PALS1: variants seen among roughly 807,000 people sequenced by gnomAD.
PALS1 encodes the protein protein PALS1.
PALS1 carries 31 observed loss-of-function variants against 78.9 expected under a neutral mutation model. That is an observed-to-expected ratio of 0.39 (90% confidence interval 0.30 to 0.53). The LOEUF (loss-of-function observed/expected upper bound fraction) is 0.53. PALS1 is among the 20% of genes least tolerant of loss of function. The pLI is 0.67. For missense variants in PALS1, 704 were observed against 826.5 expected (o/e 0.85, Z 1.82); for synonymous variants, 276 against 270.9 (o/e 1.02, Z -0.18).
intron 1 of PALS1, among the ~76,000 whole-genome samples, chr14:67,265,735 T>C (rs921491497): frequency 6.6e-6 from 1 of 151,034 alleles, no homozygotes; most frequent in Non-Finnish European, 1.5e-5. Flanking sequence ...CACGCCCCTG[T>C]AATCCCAGCT....
chr14:67,271,100 A>G (rs1486700554), intron 2 of PALS1: 1 of 152,240 alleles, frequency 6.6e-6, no homozygotes, highest in African/African-American at 2.4e-5. Context: ...AGAAGTTCTG[A>G]ACAGAGGAGT....
chr14:67,303,710 T>A, intron 8 of PALS1, 111 bp downstream of exon 8: 1 of 712,432 alleles, frequency 1.4e-6, no homozygotes, highest in East Asian at 3.2e-5. Context: ...ATAAATTCAA[T>A]CATTTTTATT....
intron 14 of PALS1, among the ~76,000 whole-genome samples, chr14:67,327,686 G>A (rs1439781351): frequency 6.6e-6 from 1 of 151,572 alleles, no homozygotes; most frequent in Non-Finnish European, 1.5e-5. Flanking sequence ...TCCCCACCCT[G>A]TGTCCTGGTG....
At chr14:67,248,375 A>T (rs1353548907) in intron 1 of PALS1, among the ~76,000 whole-genome samples, 1 of 152,144 alleles carries the variant, frequency 6.6e-6, no homozygotes, top group Non-Finnish European at 1.5e-5. Flanking sequence ...AGGAAACCAA[A>T]TATAAGATTT....
At chr14:67,284,548 A>T (rs78967259) in intron 3 of PALS1, among the ~76,000 whole-genome samples, 15 of 46,334 alleles carry the variant, frequency 3.2e-4, no homozygotes, top group East Asian at 8.2e-4. Context: ...CTGCAGTGCT[A>T]AAAAAAAAAA....
intron 13 of PALS1, among the ~76,000 whole-genome samples, chr14:67,321,992 G>A (rs1244961452): frequency 6.6e-6 from 1 of 151,798 alleles, no homozygotes; most frequent in East Asian, 1.9e-4. Context: ...CACAGTGAAT[G>A]CTTGGTTGTA....
intron 3 of PALS1, among the ~76,000 whole-genome samples, chr14:67,292,115 A>G (rs2084781231): frequency 6.6e-6 from 1 of 152,234 alleles, no homozygotes; most frequent in Admixed American, 6.5e-5. Context: ...GAATCATTAA[A>G]TATTTAAAAA....
Position 67,335,394 on chromosome 14 carries a change from G to A in PALS1, c.*2438G>A, listed in dbSNP as rs1207151240. 6.6e-6 allele frequency: 1 copy of A among 152,204 alleles called. No homozygotes were observed. Among genetic ancestry groups the A allele is most frequent in the Non-Finnish European group, 1.5e-5 (1 of 68,040 alleles). The allele number at this position is 152,204 out of a possible 1,614,324, so 9.4% of individuals were successfully genotyped here. Reference sequence around the variant, plus strand: ...GACTGGAGACCCCAGTGTGGGGGAGGTCTTACCATTTAATATAGAAATGAT... The same window carrying A: ...GACTGGAGACCCCAGTGTGGGGGAGATCTTACCATTTAATATAGAAATGAT... On this transcript the variant is annotated 3_prime_UTR_variant, in exon 15 of 15. Transcript: ENST00000261681.
At chr14:67,329,377 G>A (rs1391354835) in intron 14 of PALS1, among the ~76,000 whole-genome samples, 1 of 152,174 alleles carries the variant, frequency 6.6e-6, no homozygotes, top group Non-Finnish European at 1.5e-5. Context: ...GAGATTTTGG[G>A]CTGAGACGAT....
Position 67,301,483 on chromosome 14 carries a change from A to G in PALS1, c.654+17A>G, listed in dbSNP as rs1179615161. ...CATATTCAGGTAGAAAATGGACAGAATACTATATATGTGGTTTTTCCAGCA... is the reference window on the plus strand; with the variant it reads ...CATATTCAGGTAGAAAATGGACAGAGTACTATATATGTGGTTTTTCCAGCA... On this transcript the variant is annotated intron_variant, in intron 5 of 14. Transcript: ENST00000261681. The G allele has an allele frequency of 1.3e-6, 2 of 1,570,932 alleles. No homozygotes were observed. Among genetic ancestry groups the G allele is most frequent in the Non-Finnish European group, 1.7e-6 (2 of 1,145,432 alleles).
intron 8 of PALS1, among the ~76,000 whole-genome samples, chr14:67,310,257 GT>G (rs2085069570): frequency 6.6e-6 from 1 of 151,400 alleles, no homozygotes; most frequent in Non-Finnish European, 1.5e-5. Flanking sequence ...AATAAAAACT[GT>G]TTTTTCACAT....
rs148122965 is a variant in PALS1 at position 67,279,338 on chromosome 14, G to A, written c.168G>A (p.Leu56=). The A allele has an allele frequency of 3.1e-6, 5 of 1,613,782 alleles. No individual in the cohort carries two copies. Among genetic ancestry groups the A allele is most frequent in the Non-Finnish European group, 4.2e-6 (5 of 1,179,980 alleles). ...RMMPIRRSAQ[L]ERIRQQQEDM... ...TGCCAATACGTCGAAGTGCACAGTT[G>A]GAGCGTATTCGGCAACAACAGGAGG... Residue 56 remains leucine (L), a synonymous_variant, in exon 3 of 15, where the codon TTG becomes TTA. Coordinates refer to ENST00000261681, the MANE Select transcript of PALS1 (RefSeq NM_022474.4).
intron 1 of PALS1, among the ~76,000 whole-genome samples, chr14:67,242,334 T>C (rs565582659): frequency 7.9e-5 from 12 of 152,240 alleles, no homozygotes; most frequent in Non-Finnish European, 1.0e-4. Context: ...GTGTGTGTTT[T>C]GTCTCCATAC....
rs181000697 is a variant in PALS1, at chr14:67,291,505, G to A, written c.368-1006G>A. 3.4e-3 allele frequency among the ~76,000 whole-genome samples: 518 copies of A among 152,132 alleles called. 2 individuals are homozygous for A. Among genetic ancestry groups the A allele is most frequent in the African/African-American group, 0.012 (493 of 41,488 alleles). ...TTACCATCTTGGCCAGGCTGGTCTC[G>A]AACTCCTGACCTCATGATCTACCTG... On this transcript the variant is annotated intron_variant, in intron 3 of 14. Coordinates refer to ENST00000261681, the MANE Select transcript of PALS1 (RefSeq NM_022474.4).
intron 4 of PALS1, among the ~76,000 whole-genome samples, chr14:67,293,157 C>G (rs1325149859): frequency 6.6e-6 from 1 of 152,066 alleles, no homozygotes; most frequent in African/African-American, 2.4e-5. Flanking sequence ...CCTATAAAAA[C>G]TGTAGACATT....
At chr14:67,288,103 A>AG in intron 3 of PALS1, among the ~76,000 whole-genome samples, 1 of 152,088 alleles carries the variant, frequency 6.6e-6, no homozygotes, top group East Asian at 1.9e-4. Flanking sequence ...CCTTCGAGAC[A>AG]GAGTCTCACT....
chr14:67,271,199 T>A (rs2084401754), intron 2 of PALS1: 1 of 152,222 alleles, frequency 6.6e-6, no homozygotes, highest in Non-Finnish European at 1.5e-5. Flanking sequence ...ATTAGATAAT[T>A]TACCTGTGTG....
At chr14:67,308,639 G>A (rs1317481610) in intron 8 of PALS1, among the ~76,000 whole-genome samples, 1 of 148,638 alleles carries the variant, frequency 6.7e-6, no homozygotes, top group African/African-American at 2.5e-5. Context: ...TCCGCCTCCT[G>A]GGTTCAAGTG....
At chr14:67,325,974 C>CTTTT (rs1233481192) in intron 14 of PALS1, among the ~76,000 whole-genome samples, 1 of 115,710 alleles carries the variant, frequency 8.6e-6, no homozygotes, top group African/African-American at 4.6e-5. Flanking sequence ...ACACCCGGCT[C>CTTTT]TTTTCTTTTT....
Sources: allele counts gnomAD v4.1 joint callset (sites outside exome capture counted in the v4.1 genomes callset), GRCh38; gene constraint gnomAD v4.1.1; transcripts MANE v1.5; gene names NCBI Gene and HGNC (gene_info 2026-07-23, HGNC 2026-07-21).